The following CSMD1 variants were observed in gnomAD, a reference collection of about 807,000 sequenced individuals.
The protein encoded by CSMD1 is CUB and sushi domain-containing protein 1.
CSMD1 carries 213 observed loss-of-function variants against 417.5 expected under a neutral mutation model. That is an observed-to-expected ratio of 0.51 (90% CI 0.46 to 0.57). The LOEUF is 0.57. Among genes scored for constraint, CSMD1 ranks in the 20% least tolerant of loss-of-function variants. The pLI, the probability that CSMD1 is intolerant of heterozygous loss-of-function variation, is 0.00. For synonymous variants in CSMD1, 2,862 were observed against 1,736.8 expected (o/e 1.65, Z -16.11); for missense variants, 6,923 against 4,529.7 (o/e 1.53, Z -15.17).
intron 12 of CSMD1, among the ~76,000 whole-genome samples, chr8:3,428,688 T>C (rs1364856528): frequency 3.3e-5 from 5 of 152,150 alleles, no homozygotes; most frequent in Non-Finnish European, 5.9e-5. Flanking sequence ...TATGATCCAG[T>C]CATCCTACTA....
At chr8:3,233,557 T>C (rs987624428) in intron 26 of CSMD1, among the ~76,000 whole-genome samples, 5 of 152,252 alleles carry the variant, frequency 3.3e-5, no homozygotes, top group Admixed American at 1.3e-4. Flanking sequence ...GGTTGGTTTT[T>C]GCAAGTTATG....
At chr8:3,344,151 A>G (rs970320390) in intron 22 of CSMD1, among the ~76,000 whole-genome samples, 17 of 152,162 alleles carry the variant, frequency 1.1e-4, no homozygotes, top group Non-Finnish European at 2.1e-4. Context: ...CGGGAGAGGG[A>G]AGGTTCAGTC....
chr8:4,656,255 G>T (rs1168463730), intron 1 of CSMD1, among the ~76,000 whole-genome samples: 1 of 151,942 alleles, frequency 6.6e-6, no homozygotes, highest in Admixed American at 6.6e-5. Flanking sequence ...GACTTTCAGG[G>T]GGCAGTAGAA....
At chr8:3,389,024 G>A (rs944533034) in intron 17 of CSMD1, among the ~76,000 whole-genome samples, 3 of 152,064 alleles carry the variant, frequency 2.0e-5, no homozygotes, top group Admixed American at 1.3e-4. Flanking sequence ...ATGAACACAT[G>A]GTACCCAATG....
At chr8:4,167,206 T>A (rs565413437) in intron 3 of CSMD1, among the ~76,000 whole-genome samples, 3 of 152,214 alleles carry the variant, frequency 2.0e-5, no homozygotes, top group Admixed American at 6.5e-5. Context: ...GCCTGTATTT[T>A]AACTTGGAAA....
intron 48 of CSMD1, among the ~76,000 whole-genome samples, chr8:3,090,028 T>TTA (rs1814824575): frequency 6.6e-6 from 1 of 152,176 alleles, no homozygotes; most frequent in Non-Finnish European, 1.5e-5. Flanking sequence ...AGAGTCTGAC[T>TTA]ATCGGCCGGG....
intron 3 of CSMD1, among the ~76,000 whole-genome samples, chr8:4,221,304 C>T (rs770131114): frequency 6.6e-5 from 10 of 151,182 alleles, no homozygotes; most frequent in Non-Finnish European, 1.3e-4. Flanking sequence ...ATTGAATACA[C>T]TCATGGACTT....
chr8:3,790,012 T>C (rs1272903573), intron 5 of CSMD1, among the ~76,000 whole-genome samples: 1 of 152,184 alleles, frequency 6.6e-6, no homozygotes, highest in Non-Finnish European at 1.5e-5. Context: ...ATTACAGGCG[T>C]AAGCCACCAT....
At chr8:3,316,915 A>G (rs1805809348) in intron 23 of CSMD1, among the ~76,000 whole-genome samples, 1 of 152,206 alleles carries the variant, frequency 6.6e-6, no homozygotes, top group South Asian at 2.1e-4. Flanking sequence ...AAGGACAAGC[A>G]GGAAAATCTG....
intron 2 of CSMD1, among the ~76,000 whole-genome samples, chr8:4,508,086 T>TA (rs1802623530): frequency 6.1e-5 from 4 of 65,052 alleles, no homozygotes; most frequent in Admixed American, 1.7e-4. Context: ...AGAAAAAAAA[T>TA]ACCAAAAAAA....
At chr8:4,641,067 C>T (rs1803160247) in intron 1 of CSMD1, among the ~76,000 whole-genome samples, 1 of 151,222 alleles carries the variant, frequency 6.6e-6, no homozygotes, top group Non-Finnish European at 1.5e-5. Context: ...TATATATGAA[C>T]ACACTCTGTG....
intron 3 of CSMD1, among the ~76,000 whole-genome samples, chr8:4,204,841 T>C (rs937659680): frequency 2.7e-5 from 4 of 149,986 alleles, no homozygotes; most frequent in Non-Finnish European, 4.4e-5. Context: ...AATTTTTTTT[T>C]ACAAAGACAG....
chr8:3,949,704 T>A (rs1171682963), intron 5 of CSMD1, among the ~76,000 whole-genome samples: 1 of 152,102 alleles, frequency 6.6e-6, no homozygotes, highest in African/African-American at 2.4e-5. Flanking sequence ...TAAGGGCACA[T>A]TTCCTGATTC....
At chr8:4,668,826 A>G (rs1205054034) in intron 1 of CSMD1, among the ~76,000 whole-genome samples, 1 of 151,982 alleles carries the variant, frequency 6.6e-6, no homozygotes, top group African/African-American at 2.4e-5. Flanking sequence ...TTTCTTCTCT[A>G]TATCTGTTAT....
At chr8:4,701,061 G>A (rs569721400) in intron 1 of CSMD1, among the ~76,000 whole-genome samples, 54 of 152,266 alleles carry the variant, frequency 3.5e-4, no homozygotes, top group African/African-American at 1.3e-3. Context: ...TAAAACATCT[G>A]ATAGATGAGT....
intron 1 of CSMD1, among the ~76,000 whole-genome samples, chr8:4,792,152 C>T (rs988107333): frequency 6.6e-6 from 1 of 152,110 alleles, no homozygotes; most frequent in Non-Finnish European, 1.5e-5. Context: ...TCTTTCCTTC[C>T]TCCTTCCTAT....
intron 10 of CSMD1, among the ~76,000 whole-genome samples, chr8:3,521,519 G>A (rs567262636): frequency 2.6e-5 from 4 of 152,070 alleles, no homozygotes; most frequent in African/African-American, 4.8e-5. Flanking sequence ...ACAATGATCT[G>A]CCTGAGTATC....
At position 2,954,657 on chromosome 8, in the gene CSMD1, C is replaced by T. The variant is rs149574251; in HGVS notation, c.9995-389G>A. Among the ~76,000 whole-genome samples, 214 of 152,246 alleles carry T rather than the reference C, an allele frequency of 1.4e-3. 1 individual carries two copies. Among genetic ancestry groups the T allele is most frequent in the African/African-American group, 4.6e-3 (192 of 41,548 alleles). On this transcript the variant is annotated intron_variant, in intron 64 of 69. Coordinates refer to ENST00000635120, the MANE Select transcript of CSMD1 (RefSeq NM_033225.6). ...AGTCCCTCTTCATTGACCAATACCC[C>T]ACCCAAATCAATCAATTTATACGTT...
At chr8:4,741,093 G>A (rs1409875051) in intron 1 of CSMD1, among the ~76,000 whole-genome samples, 1 of 151,842 alleles carries the variant, frequency 6.6e-6, no homozygotes, top group Non-Finnish European at 1.5e-5. Flanking sequence ...TATTAAATTG[G>A]CTCACAAGAT....
Sources: allele counts gnomAD v4.1 joint callset (sites outside exome capture counted in the v4.1 genomes callset), GRCh38; gene constraint gnomAD v4.1.1; transcripts MANE v1.5; gene names NCBI Gene and HGNC (gene_info 2026-07-23, HGNC 2026-07-21).